GALR3: variants seen among roughly 807,000 people sequenced by gnomAD.
The protein encoded by GALR3 is galanin receptor type 3.
GALR3 carries 5 observed loss-of-function variants against 6.9 expected under a neutral mutation model. The ratio of observed to expected loss-of-function variants is 0.72; its 90% CI spans 0.38 to 1.52. The LOEUF is 1.52. Ranked by LOEUF, GALR3 falls within the 40% of genes most tolerant of loss-of-function variation. The probability of loss-of-function intolerance (pLI) is 0.03; values close to 1 mark genes in which losing one functional copy is unlikely to be tolerated. For missense variants in GALR3, 570 were observed against 545.6 expected, an observed-to-expected ratio of 1.04 and a Z score of -0.44; for synonymous variants, 308 against 263.6, an observed-to-expected ratio of 1.17 and a Z score of -1.63.
At chr22:37,823,809 G>A (rs755551735) in intron 1 of GALR3, 44 bp downstream of exon 1, 2 of 1,116,038 alleles carry the variant, frequency 1.8e-6, no homozygotes, top group Non-Finnish European at 2.6e-6. Flanking sequence ...TGTGGGGGCG[G>A]GGGTTGGGGG....
rs1922502965 is a variant in GALR3, at chr22:37,823,513, G to A, written c.107G>A (p.Gly36Glu). ...LIFLLGTVGN[G>E]LVLAVLLQPG... ...TTCCTGCTGGGCACAGTGGGCAATGGGCTGGTGCTGGCAGTGCTCCTGCAG... is the reference window on the plus strand; with the variant it reads ...TTCCTGCTGGGCACAGTGGGCAATGAGCTGGTGCTGGCAGTGCTCCTGCAG... Residue 36 changes from glycine to glutamate, a missense_variant, in exon 1 of 2, where the codon GGG (glycine) becomes GAG (glutamate). Coordinates refer to ENST00000249041, the MANE Select transcript of GALR3 (RefSeq NM_003614.2). 1.9e-6 allele frequency: 3 copies of A among 1,614,060 alleles called. No individual in the cohort carries two copies. The highest frequency in any genetic ancestry group is 2.5e-6 in the Non-Finnish European group (3 of 1,179,970).
chr22:37,824,813 G>C lies in GALR3; in HGVS notation c.450G>C (p.Ala150=). Residue 150 remains alanine (A), a synonymous_variant, in exon 2 of 2, where the codon GCG becomes GCC. Coordinates refer to ENST00000249041, the MANE Select transcript of GALR3 (RefSeq NM_003614.2). The stretch of plus-strand genomic sequence containing the variant: ...CAGTGGGGCTGGTGTGGCTGCTGGC[G>C]GCGCTCTTCTCGGCGCCCTACCTCA... ...RAAVGLVWLL[A]ALFSAPYLSY... is the part of the protein sequence containing the mutation. The C allele has an allele frequency of 7.2e-7, 1 of 1,387,416 alleles. No homozygotes were observed. Among genetic ancestry groups the C allele is most frequent in the East Asian group, 3.0e-5 (1 of 32,952 alleles). 85.9% of individuals were successfully genotyped at this position (1,387,416 alleles called of 1,614,324 possible). A position where few individuals can be genotyped will look rare whatever the true frequency, so the allele number is the denominator to read the frequency against.
Position 37,825,225 on chromosome 22 carries a change from C to G in GALR3, c.862C>G (p.Pro288Ala). ...GGCCTACGCCAACTCCTGCCTCAAC[C>G]CGCTCGTCTACGCGCTCGCCTCGCG... ...CLAYANSCLN[P>A]LVYALASRHF... The change falls in exon 2 of 2, where the codon CCG becomes GCG. Residue 288 changes from proline (P) to alanine (A), a missense_variant. By Grantham distance (27) the Pro-to-Ala change is conservative. Coordinates refer to ENST00000249041, the MANE Select transcript of GALR3 (RefSeq NM_003614.2). 6.8e-7 allele frequency: 1 copy of G among 1,468,604 alleles called. No individual in the cohort carries two copies. 91.0% of individuals were successfully genotyped at this position (1,468,604 alleles called of 1,614,324 possible).
At position 37,823,461 on chromosome 22, in the gene GALR3, G is replaced by A. The variant is rs756075696; in HGVS notation, c.55G>A (p.Ala19Thr). 18 of 1,612,226 alleles carry A rather than the reference G, an allele frequency of 1.1e-5. No individual in the cohort carries two copies. Among genetic ancestry groups the A allele is most frequent in the South Asian group, 4.4e-5 (4 of 91,006 alleles). Residue 19 changes from alanine to threonine, a missense_variant, in exon 1 of 2, where the codon GCA (alanine) becomes ACA (threonine). By Grantham distance (58) the Ala-to-Thr change is moderately conservative. Coordinates refer to ENST00000249041, the MANE Select transcript of GALR3 (RefSeq NM_003614.2). ...LDSPGSVGAV[A>T]VPVVFALIFL... ...CAGCCCAGGGAGTGTGGGGGCCGTG[G>A]CAGTGCCTGTGGTCTTTGCCCTAAT...
Position 37,825,115 on chromosome 22 carries a change from A to C in GALR3, c.752A>C (p.His251Pro), listed in dbSNP as rs200093511. Residue 251 changes from histidine to proline, a missense_variant, in exon 2 of 2, where the codon CAC (histidine) becomes CCC (proline). Physicochemically the swap from His to Pro is moderately conservative, Grantham distance 77. Coordinates refer to ENST00000249041, the MANE Select transcript of GALR3 (RefSeq NM_003614.2). ...AALYALCWGP[H>P]HALILCFWYG... ...CTCTACGCGCTCTGCTGGGGTCCGC[A>C]CCACGCGCTCATCCTGTGCTTCTGG... The C allele has an allele frequency of 7.3e-4, 1,035 of 1,418,274 alleles. 4 individuals carry two copies. The highest frequency in any genetic ancestry group is 2.2e-3 in the South Asian group (163 of 73,836). 87.9% of individuals were successfully genotyped at this position (1,418,274 alleles called of 1,614,324 possible). A position where few individuals can be genotyped will look rare whatever the true frequency, so the allele number is the denominator to read the frequency against.
Position 37,825,405 on chromosome 22 carries a change from G to T in GALR3, c.1042G>T (p.Gly348Cys). ...RPSGRLLAGG[G>C]QGPEPREGPV... is the part of the protein sequence containing the mutation. ...TAGCGGGAGGCTGCTGGCTGGTGGC[G>T]GCCAGGGCCCGGAGCCCAGGGAGGG... The change falls in exon 2 of 2, where the codon GGC becomes TGC. Residue 348 changes from glycine to cysteine, a missense_variant. By Grantham distance (159) the Gly-to-Cys change is radical (BLOSUM62 -3). Coordinates refer to ENST00000249041, the MANE Select transcript of GALR3 (RefSeq NM_003614.2). The T allele has an allele frequency of 7.2e-7, 1 of 1,396,052 alleles. No individual in the cohort carries two copies. Among genetic ancestry groups the T allele is most frequent in the South Asian group, 1.5e-5 (1 of 66,000 alleles). The allele number at this position is 1,396,052 out of a possible 1,614,324, so 86.5% of individuals were successfully genotyped here.
chr22:37,824,640 G>A (rs906820147), intron 1 of GALR3, 83 bp from the exon 2 acceptor site: 12 of 865,788 alleles, frequency 1.4e-5, no homozygotes, highest in Non-Finnish European at 1.8e-5. Flanking sequence ...GGCGCACTGG[G>A]CCGCAGGGCC....
chr22:37,824,673 C>G (rs1403090387), intron 1 of GALR3, 50 bp from the exon 2 acceptor site: 1 of 1,126,290 alleles, frequency 8.9e-7, no homozygotes. Flanking sequence ...GTGGCGCGGG[C>G]CCCTGCGGGA....
rs1364122621 is a variant in GALR3, at chr22:37,825,066, C to T, written c.703C>T (p.Arg235Cys). The change falls in exon 2 of 2, where the codon CGC becomes TGC. Residue 235 changes from arginine (R) to cysteine (C), a missense_variant. Coordinates refer to ENST00000249041, the MANE Select transcript of GALR3 (RefSeq NM_003614.2). ...ARRRATGRAG[R>C]AMLAVAALYA... ...GCGGAGGGCGACGGGCCGCGCGGGG[C>T]GCGCCATGCTGGCGGTGGCCGCGCT... 2 of 1,140,636 alleles carry T rather than the reference C, an allele frequency of 1.8e-6. No homozygotes were observed. Among genetic ancestry groups the T allele is most frequent in the East Asian group, 8.6e-5 (2 of 23,390 alleles). The allele number at this position is 1,140,636 out of a possible 1,614,324, so 70.7% of individuals were successfully genotyped here. A position where few individuals can be genotyped will look rare whatever the true frequency, so the allele number is the denominator to read the frequency against.
Position 37,825,390 on chromosome 22 carries a change from C to T in GALR3, c.1027C>T (p.Leu343=). The T allele has an allele frequency of 7.2e-7, 1 of 1,391,490 alleles. No homozygotes were observed. Among genetic ancestry groups the T allele is most frequent in the Non-Finnish European group, 9.4e-7 (1 of 1,068,102 alleles). The allele number at this position is 1,391,490 out of a possible 1,614,324, so 86.2% of individuals were successfully genotyped here. ...CGGAGACGCCCGGCCTAGCGGGAGG[C>T]TGCTGGCTGGTGGCGGCCAGGGCCC... The part of the protein sequence containing the change: ...CPGDARPSGR[L]LAGGGQGPEP... Residue 343 remains leucine (L), a synonymous_variant, in exon 2 of 2, where the codon CTG becomes TTG. Transcript: ENST00000249041.
chr22:37,825,391 T>A lies in GALR3; in HGVS notation c.1028T>A (p.Leu343Gln), dbSNP rs1922585025. Reference protein sequence around the residue: ...CPGDARPSGRLLAGGGQGPEP... With the variant: ...CPGDARPSGRQLAGGGQGPEP... ...GGAGACGCCCGGCCTAGCGGGAGGCTGCTGGCTGGTGGCGGCCAGGGCCCG... is the reference window on the plus strand; with the variant it reads ...GGAGACGCCCGGCCTAGCGGGAGGCAGCTGGCTGGTGGCGGCCAGGGCCCG... Residue 343 changes from leucine to glutamine, a missense_variant, in exon 2 of 2, where the codon CTG (leucine) becomes CAG (glutamine). Transcript: ENST00000249041. The A allele has an allele frequency of 2.2e-6, 3 of 1,391,274 alleles. No individual in the cohort carries two copies. The East Asian group carries it at 9.2e-5, about 42-fold the overall frequency. 86.2% of individuals were successfully genotyped at this position (1,391,274 alleles called of 1,614,324 possible). A position where few individuals can be genotyped will look rare whatever the true frequency, so the allele number is the denominator to read the frequency against.
At position 37,824,846 on chromosome 22, in the gene GALR3, C is replaced by G. The variant is rs866044585; in HGVS notation, c.483C>G (p.Tyr161Ter). ...ALFSAPYLSY[Y>*]GTVRYGALEL... The stretch of plus-strand genomic sequence containing the variant: ...TCTCGGCGCCCTACCTCAGCTACTA[C>G]GGCACCGTGCGCTACGGCGCGCTGG... Residue 161 changes from tyrosine (Y) to a stop codon, truncating the protein, a stop_gained, in exon 2 of 2, where the codon TAC becomes TAG. Coordinates refer to ENST00000249041, the MANE Select transcript of GALR3 (RefSeq NM_003614.2). LOFTEE classifies it low-confidence loss of function (END_TRUNC). 7.1e-7 allele frequency: 1 copy of G among 1,417,448 alleles called. No homozygotes were observed. Among genetic ancestry groups the G allele is most frequent in the African/African-American group, 1.5e-5 (1 of 68,156 alleles). 87.8% of individuals were successfully genotyped at this position (1,417,448 alleles called of 1,614,324 possible).
chr22:37,825,191 A>G lies in GALR3; in HGVS notation c.828A>G (p.Ser276=), dbSNP rs8137276. ...SPATYACRLA[S]HCLAYANSCL... is the part of the protein sequence containing the mutation. ...CCACCTACGCCTGCCGCCTGGCCTC[A>G]CACTGCCTGGCCTACGCCAACTCCT... The change falls in exon 2 of 2, where the codon TCA becomes TCG. Residue 276 remains serine, a synonymous_variant. Transcript: ENST00000249041. 1.3e-6 allele frequency: 2 copies of G among 1,490,502 alleles called. No homozygotes were observed. Among genetic ancestry groups the G allele is most frequent in the Non-Finnish European group, 1.8e-6 (2 of 1,116,538 alleles). The allele number at this position is 1,490,502 out of a possible 1,614,324, so 92.3% of individuals were successfully genotyped here.
chr22:37,824,883 C>T lies in GALR3; in HGVS notation c.520C>T (p.Pro174Ser). 3 of 1,393,354 alleles carry T rather than the reference C, an allele frequency of 2.2e-6. No homozygotes were observed. Among genetic ancestry groups the T allele is most frequent in the African/African-American group, 1.5e-5 (1 of 67,394 alleles). The allele number at this position is 1,393,354 out of a possible 1,614,324, so 86.3% of individuals were successfully genotyped here. ...CTACGGCGCGCTGGAGCTCTGCGTG[C>T]CCGCCTGGGAGGACGCGCGCCGCCG... is the stretch of plus-strand genomic sequence containing the variant. ...VRYGALELCV[P>S]AWEDARRRAL... Residue 174 changes from proline to serine, a missense_variant, in exon 2 of 2, where the codon CCC (proline) becomes TCC (serine). Coordinates refer to ENST00000249041, the MANE Select transcript of GALR3 (RefSeq NM_003614.2).
chr22:37,825,080 G>C lies in GALR3; in HGVS notation c.717G>C (p.Ala239=), dbSNP rs1403088578. The C allele has an allele frequency of 2.7e-5, 32 of 1,173,392 alleles. No individual in the cohort carries two copies. The highest frequency in any genetic ancestry group is 3.2e-5 in the Non-Finnish European group (30 of 946,278). The allele number at this position is 1,173,392 out of a possible 1,614,324, so 72.7% of individuals were successfully genotyped here. Residue 239 remains alanine (A), a synonymous_variant, in exon 2 of 2, where the codon GCG becomes GCC. Coordinates refer to ENST00000249041, the MANE Select transcript of GALR3 (RefSeq NM_003614.2). ...GCCGCGCGGGGCGCGCCATGCTGGC[G>C]GTGGCCGCGCTCTACGCGCTCTGCT... ...ATGRAGRAML[A]VAALYALCWG...
chr22:37,825,071 C>T lies in GALR3; in HGVS notation c.708C>T (p.Ala236=). 8.7e-7 allele frequency: 1 copy of T among 1,150,728 alleles called. No homozygotes were observed. The highest frequency in any genetic ancestry group is 1.1e-6 in the Non-Finnish European group (1 of 934,658). 71.3% of individuals were successfully genotyped at this position (1,150,728 alleles called of 1,614,324 possible). A position where few individuals can be genotyped will look rare whatever the true frequency, so the allele number is the denominator to read the frequency against. The change falls in exon 2 of 2, where the codon GCC becomes GCT. Residue 236 remains alanine, a synonymous_variant. Transcript: ENST00000249041. ...GGGCGACGGGCCGCGCGGGGCGCGC[C>T]ATGCTGGCGGTGGCCGCGCTCTACG... ...RRRATGRAGR[A]MLAVAALYAL...
intron 1 of GALR3, 98 bp from the exon 2 acceptor site, chr22:37,824,625 C>G: frequency 1.4e-6 from 1 of 692,944 alleles, no homozygotes; most frequent in Non-Finnish European, 1.9e-6. Flanking sequence ...CCACGGTTCA[C>G]AGGAGGCGCA....
intron 1 of GALR3, among the ~76,000 whole-genome samples, chr22:37,824,394 C>G (rs1162586954): frequency 6.6e-6 from 1 of 152,168 alleles, no homozygotes; most frequent in African/African-American, 2.4e-5. Context: ...CTGCCCACAC[C>G]TGGCCAAGCT....
rs746996975 is a variant in GALR3, at chr22:37,825,173, C to T, written c.810C>T (p.Tyr270=). The change falls in exon 2 of 2, where the codon TAC becomes TAT. Residue 270 remains tyrosine, a synonymous_variant. Transcript: ENST00000249041. ...YGRFAFSPAT[Y]ACRLASHCLA... is the part of the protein sequence containing the mutation. Reference sequence around the variant, plus strand: ...GCTTCGCCTTCAGCCCGGCCACCTACGCCTGCCGCCTGGCCTCACACTGCC... The same window carrying T: ...GCTTCGCCTTCAGCCCGGCCACCTATGCCTGCCGCCTGGCCTCACACTGCC... The T allele has an allele frequency of 1.4e-5, 21 of 1,491,248 alleles. No homozygotes were observed. Among genetic ancestry groups the T allele is most frequent in the South Asian group, 3.6e-5 (3 of 83,230 alleles). 92.4% of individuals were successfully genotyped at this position (1,491,248 alleles called of 1,614,324 possible).
Sources: allele counts gnomAD v4.1 joint callset (sites outside exome capture counted in the v4.1 genomes callset), GRCh38; gene constraint gnomAD v4.1.1; transcripts MANE v1.5; gene names NCBI Gene and HGNC (gene_info 2026-07-23, HGNC 2026-07-21).